PRKD3: variants seen among roughly 807,000 people sequenced by gnomAD.
PRKD3 encodes serine/threonine-protein kinase D3.
In PRKD3, 47 loss-of-function variants were observed where a neutral mutation model predicts 99.2. The ratio of observed to expected loss-of-function variants is 0.47; its 90% CI spans 0.38 to 0.60. The LOEUF (loss-of-function observed/expected upper bound fraction) is 0.60. Ranked by LOEUF, PRKD3 falls within the 20% of genes least tolerant of loss-of-function variation. The pLI, the probability that PRKD3 is intolerant of heterozygous loss-of-function variation, is 0.00. For missense variants in PRKD3, 1,019 were observed against 1,088.4 expected (o/e 0.94, Z 0.90); for synonymous variants, 392 against 355.4 (o/e 1.10, Z -1.16).
At chr2:37,287,252 A>G (rs74177068) in intron 5 of PRKD3, among the ~76,000 whole-genome samples, 8 of 127,628 alleles carry the variant, frequency 6.3e-5, no homozygotes, top group South Asian at 2.4e-4. Flanking sequence ...AAAAAAAAAA[A>G]AAAAAAAAAA....
intron 15 of PRKD3, 46 bp from the exon 16 acceptor site, chr2:37,259,727 G>T: frequency 7.4e-7 from 1 of 1,355,296 alleles, no homozygotes; most frequent in Non-Finnish European, 1.1e-6. Flanking sequence ...AAAATCACAA[G>T]TAAACCTCAT....
At chr2:37,323,012 C>A (rs927303102) in intron 1 of PRKD3, among the ~76,000 whole-genome samples, 1 of 151,950 alleles carries the variant, frequency 6.6e-6, no homozygotes, top group African/African-American at 2.4e-5. Context: ...AAGAAAACTG[C>A]ACTTAAATGA....
chr2:37,263,381 G>A (rs888301241), intron 14 of PRKD3, among the ~76,000 whole-genome samples: 7 of 152,042 alleles, frequency 4.6e-5, no homozygotes, highest in Admixed American at 4.6e-4. Context: ...CTGCTTTTTT[G>A]AATTAATGAG....
chr2:37,251,664 C>CT lies in PRKD3; in HGVS notation c.*1512dup, dbSNP rs2148461366. The CT allele has an allele frequency of 6.6e-6, 1 of 151,566 alleles. No homozygotes were observed. The highest frequency in any genetic ancestry group is 2.4e-5 in the African/African-American group (1 of 41,326). 9.4% of individuals were successfully genotyped at this position (151,566 alleles called of 1,614,324 possible). A position where few individuals can be genotyped will look rare whatever the true frequency, so the allele number is the denominator to read the frequency against. On this transcript the variant is annotated 3_prime_UTR_variant, in exon 19 of 19. Coordinates refer to ENST00000234179, the MANE Select transcript of PRKD3 (RefSeq NM_005813.6). ...ATTCGGTGGGCAACGATAGTTAACA[C>CT]TTTCCTAGTTTTTAGTTTATTTGAC...
rs569325503 is a variant in PRKD3 at position 37,272,106 on chromosome 2, C to T, written c.1704+274G>A. On this transcript the variant is annotated intron_variant, in intron 12 of 18. Transcript: ENST00000234179. ...TTTAGGAAGCTTCCCCTGCTGACCC[C>T]ACAAGAAGTAATGTCTGCCTTCTCT... Among the ~76,000 whole-genome samples the T allele has an allele frequency of 4.8e-4, 73 of 152,260 alleles. No individual in the cohort carries two copies. The South Asian group carries it at 0.015, about 31-fold the overall frequency.
intron 6 of PRKD3, among the ~76,000 whole-genome samples, chr2:37,284,172 CA>C (rs1185602084): frequency 5.9e-5 from 9 of 152,048 alleles, no homozygotes; most frequent in African/African-American, 2.2e-4. Context: ...TTAACAAAAT[CA>C]TTTTTCTTTC....
intron 2 of PRKD3, among the ~76,000 whole-genome samples, chr2:37,297,346 AAT>A (rs1437601380): frequency 9.2e-5 from 14 of 152,184 alleles, no homozygotes; most frequent in African/African-American, 2.2e-4. Context: ...TATTTTTAAA[AAT>A]AGTTTAAAAT....
At chr2:37,307,964 C>T (rs1383061066) in intron 2 of PRKD3, among the ~76,000 whole-genome samples, 2 of 152,160 alleles carry the variant, frequency 1.3e-5, no homozygotes, top group African/African-American at 4.8e-5. Flanking sequence ...ATTGATTGTT[C>T]TCTATTTCTA....
intron 2 of PRKD3, among the ~76,000 whole-genome samples, chr2:37,299,677 T>G (rs931551284): frequency 1.3e-5 from 2 of 151,700 alleles, no homozygotes; most frequent in Non-Finnish European, 2.9e-5. Context: ...GGAGCTCAAA[T>G]GACTCAACAA....
At chr2:37,308,465 C>T (rs1054507125) in intron 2 of PRKD3, among the ~76,000 whole-genome samples, 8 of 151,980 alleles carry the variant, frequency 5.3e-5, no homozygotes, top group Non-Finnish European at 2.9e-5. Flanking sequence ...TGCTCTTTCC[C>T]TCAGGCTGCA....
At chr2:37,269,531 G>C in intron 13 of PRKD3, 84 bp downstream of exon 13, 1 of 1,224,078 alleles carries the variant, frequency 8.2e-7, no homozygotes, top group African/African-American at 1.5e-5. Context: ...AAAACTATGA[G>C]ATGACAAAAC....
chr2:37,264,293 A>G (rs1668672915), intron 14 of PRKD3, among the ~76,000 whole-genome samples: 1 of 152,332 alleles, frequency 6.6e-6, no homozygotes, highest in South Asian at 2.1e-4. Context: ...AATTTCCCAC[A>G]TAATACATTT....
intron 14 of PRKD3, among the ~76,000 whole-genome samples, chr2:37,265,404 T>C (rs1435312819): frequency 6.6e-6 from 1 of 152,184 alleles, no homozygotes; most frequent in African/African-American, 2.4e-5. Flanking sequence ...TGAATTCAGA[T>C]TGTACTAATA....
rs1375301481 is a variant in PRKD3 at position 37,317,131 on chromosome 2, A to T, written c.-607T>A. ...AAATAGTACAGGCATATTTCATTAG[A>T]TGAATGGGTCCATCGAGAAAAGCTG... On this transcript the variant is annotated 5_prime_UTR_variant, in exon 2 of 19. Coordinates refer to ENST00000234179, the MANE Select transcript of PRKD3 (RefSeq NM_005813.6). The T allele has an allele frequency of 3.0e-6, 3 of 985,294 alleles. No homozygotes were observed. In the East Asian group the frequency reaches 3.4e-4, roughly 111 times the overall value. The allele number at this position is 985,294 out of a possible 1,614,324, so 61.0% of individuals were successfully genotyped here.
At position 37,316,593 on chromosome 2, in the gene PRKD3, T is replaced by C. The variant is rs145370402; in HGVS notation, c.-69A>G. The C allele has an allele frequency of 5.9e-6, 9 of 1,531,330 alleles. No homozygotes were observed. The East Asian group carries it at 2.0e-4, about 35-fold the overall frequency. 94.9% of individuals were successfully genotyped at this position (1,531,330 alleles called of 1,614,324 possible). A position where few individuals can be genotyped will look rare whatever the true frequency, so the allele number is the denominator to read the frequency against. On this transcript the variant is annotated 5_prime_UTR_variant, in exon 2 of 19. Coordinates refer to ENST00000234179, the MANE Select transcript of PRKD3 (RefSeq NM_005813.6). The stretch of plus-strand genomic sequence containing the variant: ...AATGGTTATGAAGAGGTTTTTAAAA[T>C]AACAGCAGTAAAGAAAATGACCGCA...
At position 37,277,938 on chromosome 2, in the gene PRKD3, C is replaced by G. The variant is rs758295473; in HGVS notation, c.1224G>C (p.Lys408Asn). Residue 408 changes from lysine (K) to asparagine (N), a missense_variant, in exon 9 of 19, where the codon AAG becomes AAC. Coordinates refer to ENST00000234179, the MANE Select transcript of PRKD3 (RefSeq NM_005813.6). Reference protein sequence around the residue: ...IPLMRVVQSIKHTKRKSSTMV... With the variant: ...IPLMRVVQSINHTKRKSSTMV... ...TTGTGCTGCTCTTCCTCTTTGTGTG[C>G]TTGATGGATTGTACAACCCTCATTA... The G allele has an allele frequency of 3.7e-6, 6 of 1,612,818 alleles. No homozygotes were observed. In the East Asian group the frequency reaches 1.3e-4, roughly 36 times the overall value.
At chr2:37,324,050 C>G (rs1174137800) in intron 1 of PRKD3, 2 of 388,088 alleles carry the variant, frequency 5.2e-6, no homozygotes, top group African/African-American at 4.4e-5. Flanking sequence ...TTTCACTGCT[C>G]AAAGAAACAG....
intron 2 of PRKD3, 79 bp from the exon 3 acceptor site, chr2:37,293,350 T>A: frequency 1.5e-6 from 2 of 1,342,314 alleles, no homozygotes; most frequent in Non-Finnish European, 2.0e-6. Context: ...TATCAAAGAA[T>A]TTAAAACATA....
At chr2:37,260,133 C>T in intron 15 of PRKD3, 90 bp downstream of exon 15, 2 of 1,229,684 alleles carry the variant, frequency 1.6e-6, no homozygotes, top group Non-Finnish European at 2.2e-6. Flanking sequence ...CACTGCACTC[C>T]AGCCCAGGTG....
Sources: allele counts gnomAD v4.1 joint callset (sites outside exome capture counted in the v4.1 genomes callset), GRCh38; gene constraint gnomAD v4.1.1; transcripts MANE v1.5; gene names NCBI Gene and HGNC (gene_info 2026-07-23, HGNC 2026-07-21).